UBE2D3: variants seen among roughly 807,000 people sequenced by gnomAD.
UBE2D3 encodes the protein ubiquitin-conjugating enzyme E2 D3.
Under a neutral mutation model 22.8 loss-of-function variants are expected in UBE2D3, and 2 were observed. The ratio of observed to expected loss-of-function variants is 0.09; its 90% CI spans 0.04 to 0.28. The LOEUF is 0.28. Among genes scored for constraint, UBE2D3 ranks in the 10% least tolerant of loss-of-function variants. The probability of loss-of-function intolerance (pLI) is 1.00; values close to 1 mark genes in which losing one functional copy is unlikely to be tolerated. For missense variants in UBE2D3, 27 were observed against 182.5 expected (o/e 0.15, Z 4.91); for synonymous variants, 56 against 60.4 (o/e 0.93, Z 0.34).
At chr4:102,824,706 TTC>T (rs1407751660) in intron 2 of UBE2D3, among the ~76,000 whole-genome samples, 1 of 152,248 alleles carries the variant, frequency 6.6e-6, no homozygotes, top group Non-Finnish European at 1.5e-5. Flanking sequence ...CTTTAACGTG[TTC>T]TGTTCCACAT....
chr4:102,837,172 A>C (rs1731457448), intron 1 of UBE2D3: 1 of 152,202 alleles, frequency 6.6e-6, no homozygotes, highest in South Asian at 2.1e-4. Flanking sequence ...TCACTTCCAC[A>C]ATTAAGAGTA....
chr4:102,852,584 T>C (rs1384325580), intron 1 of UBE2D3, among the ~76,000 whole-genome samples: 4 of 152,222 alleles, frequency 2.6e-5, no homozygotes, highest in African/African-American at 7.2e-5. Context: ...TCATACAACT[T>C]GAATTCATTC....
intron 2 of UBE2D3, chr4:102,811,658 T>C (rs914896465): frequency 1.2e-5 from 4 of 342,870 alleles, no homozygotes; most frequent in African/African-American, 9.0e-5. Flanking sequence ...GGGAAAAGAG[T>C]GAGACTGTCT....
chr4:102,850,306 C>T (rs1390332404), intron 1 of UBE2D3, among the ~76,000 whole-genome samples: 3 of 152,118 alleles, frequency 2.0e-5, no homozygotes, highest in Admixed American at 2.0e-4. Context: ...GTGCTGGATA[C>T]AGGGACACTC....
chr4:102,806,135 A>G (rs537718248), intron 4 of UBE2D3, among the ~76,000 whole-genome samples: 3 of 152,292 alleles, frequency 2.0e-5, no homozygotes, highest in Admixed American at 2.0e-4. Flanking sequence ...GATAGTTTTT[A>G]AGATAATTCC....
At chr4:102,864,712 A>G (rs775727693) in intron 1 of UBE2D3, among the ~76,000 whole-genome samples, 3 of 152,218 alleles carry the variant, frequency 2.0e-5, no homozygotes, top group Non-Finnish European at 2.9e-5. Context: ...GAGTAGTAAC[A>G]AGGCCAGGCA....
chr4:102,835,248 CT>C (rs1029805679), intron 1 of UBE2D3, among the ~76,000 whole-genome samples: 1 of 152,150 alleles, frequency 6.6e-6, no homozygotes, highest in African/African-American at 2.4e-5. Flanking sequence ...AACATACATA[CT>C]TTTTTCTTGT....
rs1730709045 is a variant in UBE2D3 at position 102,827,265 on chromosome 4, T to A, written c.-129+162A>T. 7.3e-6 allele frequency: 7 copies of A among 961,200 alleles called. No homozygotes were observed. The South Asian group carries it at 2.4e-4, about 33-fold the overall frequency. 59.5% of individuals were successfully genotyped at this position (961,200 alleles called of 1,614,324 possible). A position where few individuals can be genotyped will look rare whatever the true frequency, so the allele number is the denominator to read the frequency against. The stretch of plus-strand genomic sequence containing the variant: ...AGGACGCGCCCATTCCCCCTCCTCC[T>A]CCAGCAGGAGAGGCCGCGGCTTCCC... On this transcript the variant is annotated intron_variant, in intron 1 of 7. Transcript: ENST00000453744.
intron 2 of UBE2D3, chr4:102,812,762 A>G (rs1182563313): frequency 6.6e-6 from 1 of 152,232 alleles, no homozygotes; most frequent in African/African-American, 2.4e-5. Flanking sequence ...CTGAAAAAGA[A>G]AAGAGACTAC....
At chr4:102,836,462 CTT>C (rs1350147178) in intron 1 of UBE2D3, among the ~76,000 whole-genome samples, 6 of 152,016 alleles carry the variant, frequency 3.9e-5, no homozygotes, top group African/African-American at 1.4e-4. Flanking sequence ...CAATTTTTGT[CTT>C]ATTACAAATA....
At chr4:102,814,976 T>A (rs531793657) in intron 2 of UBE2D3, among the ~76,000 whole-genome samples, 1 of 152,270 alleles carries the variant, frequency 6.6e-6, no homozygotes, top group African/African-American at 2.4e-5. Flanking sequence ...TACTCATAAT[T>A]AACTCAATAA....
chr4:102,809,749 T>TA (rs761302597), intron 3 of UBE2D3, 43 bp downstream of exon 3: 132 of 1,606,510 alleles, frequency 8.2e-5, no homozygotes, highest in African/African-American at 9.4e-5. Flanking sequence ...TGCACAAGCT[T>TA]AAAAAAAAAT....
chr4:102,802,618 G>T lies in UBE2D3; in HGVS notation c.141C>A (p.Gly47=). ...IMGPNDSPYQ[G]GVFFLTIHFP... ...AATGAATTGTCAAAAAGAATACACC[G>T]CCTTGATATGGGCTGTCATTCTGTA... Residue 47 remains glycine, a synonymous_variant, in exon 5 of 8, where the codon GGC becomes GGA. Transcript: ENST00000453744. 6.2e-7 allele frequency: 1 copy of T among 1,600,688 alleles called. No individual in the cohort carries two copies. The highest frequency in any genetic ancestry group is 8.5e-7 in the Non-Finnish European group (1 of 1,171,996).
At chr4:102,840,269 A>C (rs1375605447) in intron 1 of UBE2D3, among the ~76,000 whole-genome samples, 1 of 152,258 alleles carries the variant, frequency 6.6e-6, no homozygotes, top group Non-Finnish European at 1.5e-5. Flanking sequence ...AGGAAAAGAA[A>C]TCAGTTCAAT....
intron 1 of UBE2D3, among the ~76,000 whole-genome samples, chr4:102,860,768 G>A (rs1732857944): frequency 6.6e-6 from 1 of 151,924 alleles, no homozygotes; most frequent in Non-Finnish European, 1.5e-5. Flanking sequence ...GCTGATATCT[G>A]TGTGCTATCT....
At chr4:102,827,064 G>T in intron 1 of UBE2D3, 6 of 990,236 alleles carry the variant, frequency 6.1e-6, no homozygotes, top group Non-Finnish European at 7.2e-6. Context: ...CCGGGAAAAG[G>T]AAGGAAATAA....
rs927428718 is a variant in UBE2D3 at position 102,797,334 on chromosome 4, C to T, written c.*81G>A. On this transcript the variant is annotated 3_prime_UTR_variant, in exon 8 of 8. Transcript: ENST00000453744. ...AGATGAGGTCTGATAGGGGAGCAGC[C>T]GGATAAGAAAATCAAAAAAGGAACA... 4.9e-5 allele frequency: 61 copies of T among 1,251,520 alleles called. No homozygotes were observed. Among genetic ancestry groups the T allele is most frequent in the Middle Eastern group, 2.8e-4 (1 of 3,630 alleles). 77.5% of individuals were successfully genotyped at this position (1,251,520 alleles called of 1,614,324 possible). A position where few individuals can be genotyped will look rare whatever the true frequency, so the allele number is the denominator to read the frequency against.
intron 4 of UBE2D3, among the ~76,000 whole-genome samples, chr4:102,808,705 TA>T (rs1439274108): frequency 6.6e-6 from 1 of 152,210 alleles, no homozygotes; most frequent in Non-Finnish European, 1.5e-5. Flanking sequence ...GTAAGTTCCC[TA>T]TAAGATCGAC....
intron 1 of UBE2D3, among the ~76,000 whole-genome samples, chr4:102,846,089 C>G (rs1208592631): frequency 6.6e-6 from 1 of 152,162 alleles, no homozygotes; most frequent in Non-Finnish European, 1.5e-5. Flanking sequence ...CTGTGTCTGT[C>G]TTGTCTCTGA....
Sources: allele counts gnomAD v4.1 joint callset (sites outside exome capture counted in the v4.1 genomes callset), GRCh38; gene constraint gnomAD v4.1.1; transcripts MANE v1.5; gene names NCBI Gene and HGNC (gene_info 2026-07-23, HGNC 2026-07-21).